The following SIN3B variants were observed in gnomAD, a reference collection of about 807,000 sequenced individuals.
SIN3B encodes paired amphipathic helix protein Sin3b.
A neutral mutation model predicts 120.2 loss-of-function variants in SIN3B; 19 were observed. That is an observed-to-expected ratio of 0.16 (90% CI 0.11 to 0.23). The LOEUF is 0.23. Ranked by LOEUF, SIN3B falls within the 10% of genes least tolerant of loss-of-function variation. The pLI, the probability that SIN3B is intolerant of heterozygous loss-of-function variation, is 1.00. For missense variants in SIN3B, 1,073 were observed against 1,573.0 expected (o/e 0.68, Z 5.38); for synonymous variants, 654 against 653.2 (o/e 1.00, Z -0.02).
intron 5 of SIN3B, among the ~76,000 whole-genome samples, chr19:16,849,789 T>C (rs547364637): frequency 2.7e-4 from 41 of 152,248 alleles, no homozygotes; most frequent in Admixed American, 2.2e-3. Flanking sequence ...TTTACACCTG[T>C]TCCAGCATAT....
In SIN3B at chr19:16,877,533, C is replaced by T. The variant is rs1479086674; in HGVS notation, c.2860-12C>T. 6 of 1,593,232 alleles carry T rather than the reference C, an allele frequency of 3.8e-6. No homozygotes were observed. The highest frequency in any genetic ancestry group is 4.3e-6 in the Non-Finnish European group (5 of 1,168,588). ...TAGGGGCATCACGGGCTGTGTCTCT[C>T]CCTGTCCCCAGCACCTGGCTCGGTA... On this transcript the variant is annotated splice_polypyrimidine_tract_variant and intron_variant, in intron 16 of 18. Coordinates refer to ENST00000248054, the MANE Select transcript of SIN3B (RefSeq NM_001297595.2).
chr19:16,847,252 G>C lies in SIN3B; in HGVS notation c.726+139G>C, dbSNP rs559147764. ...TCCCCCAGAAGCTACGCAGGTTGCAGATACCCAGGGGTTCCTCACTGTAGG... is the reference window on the plus strand; with the variant it reads ...TCCCCCAGAAGCTACGCAGGTTGCACATACCCAGGGGTTCCTCACTGTAGG... On this transcript the variant is annotated intron_variant, in intron 5 of 18. Coordinates refer to ENST00000248054, the MANE Select transcript of SIN3B (RefSeq NM_001297595.2). 3 of 886,360 alleles carry C rather than the reference G, an allele frequency of 3.4e-6. No individual in the cohort carries two copies. In the African/African-American group the frequency reaches 5.0e-5, roughly 15 times the overall value. 54.9% of individuals were successfully genotyped at this position (886,360 alleles called of 1,614,324 possible).
At chr19:16,843,173 CT>C (rs1971439851) in intron 4 of SIN3B, among the ~76,000 whole-genome samples, 1 of 152,170 alleles carries the variant, frequency 6.6e-6, no homozygotes, top group South Asian at 2.1e-4. Flanking sequence ...TCTCAGCTCA[CT>C]GCAACCTCAG....
chr19:16,840,442 G>T (rs1291904961), intron 3 of SIN3B, among the ~76,000 whole-genome samples: 2 of 152,178 alleles, frequency 1.3e-5, no homozygotes, highest in Non-Finnish European at 1.5e-5. Context: ...TGGCCTCCTG[G>T]CCTCCAGGCC....
intron 4 of SIN3B, among the ~76,000 whole-genome samples, chr19:16,842,249 C>T (rs1971427524): frequency 6.6e-6 from 1 of 151,260 alleles, no homozygotes; most frequent in African/African-American, 2.4e-5. Flanking sequence ...AACATGGGCG[C>T]ACATCACCAC....
intron 5 of SIN3B, among the ~76,000 whole-genome samples, chr19:16,849,534 GAAC>G: frequency 6.6e-6 from 1 of 152,200 alleles, no homozygotes; most frequent in East Asian, 1.9e-4. Flanking sequence ...TTATTTATGA[GAAC>G]AACAGGCCCT....
At chr19:16,839,890 A>G (rs1971395575) in intron 3 of SIN3B, among the ~76,000 whole-genome samples, 1 of 152,068 alleles carries the variant, frequency 6.6e-6, no homozygotes, top group South Asian at 2.1e-4. Flanking sequence ...GTCGCACGGC[A>G]CCTGTGATCC....
rs1334981592 is a variant in SIN3B, at chr19:16,851,397, C to G, written c.727-15C>G. On this transcript the variant is annotated splice_polypyrimidine_tract_variant and intron_variant, in intron 5 of 18. Coordinates refer to ENST00000248054, the MANE Select transcript of SIN3B (RefSeq NM_001297595.2). ...CACGTCTCCGGTGCTGACCACCTCC[C>G]ACATGTGTCCTTAGTTCACAGGAAA... The G allele has an allele frequency of 1.3e-6, 2 of 1,582,064 alleles. No individual in the cohort carries two copies. The highest frequency in any genetic ancestry group is 1.7e-6 in the Non-Finnish European group (2 of 1,163,170).
At chr19:16,863,640 G>T in intron 9 of SIN3B, 40 bp from the exon 10 acceptor site, 1 of 1,319,728 alleles carries the variant, frequency 7.6e-7, no homozygotes, top group South Asian at 1.2e-5. Context: ...TTGGCTCCTG[G>T]GGCATGCAGC....
At chr19:16,849,592 A>T (rs192769759) in intron 5 of SIN3B, among the ~76,000 whole-genome samples, 2 of 152,310 alleles carry the variant, frequency 1.3e-5, no homozygotes, top group East Asian at 3.9e-4. Flanking sequence ...TTGGGGGTCC[A>T]TCTAGCTCAG....
chr19:16,865,224 G>A, intron 10 of SIN3B, 186 bp from the exon 11 acceptor site: 2 of 576,524 alleles, frequency 3.5e-6, no homozygotes, highest in Admixed American at 6.0e-5. Context: ...AGCCCAGGAG[G>A]TTGAGGCTGC....
chr19:16,838,061 A>G (rs749368469), intron 3 of SIN3B, among the ~76,000 whole-genome samples: 1 of 152,108 alleles, frequency 6.6e-6, no homozygotes, highest in Non-Finnish European at 1.5e-5. Context: ...GAGGTGCCGG[A>G]AGAAAAAGAA....
intron 3 of SIN3B, among the ~76,000 whole-genome samples, chr19:16,835,847 G>T (rs1971341285): frequency 6.6e-6 from 1 of 152,024 alleles, no homozygotes; most frequent in South Asian, 2.1e-4. Context: ...CAGAGACAGG[G>T]TTTCACCATG....
chr19:16,847,422 C>G (rs999765147), intron 5 of SIN3B, among the ~76,000 whole-genome samples: 12 of 152,258 alleles, frequency 7.9e-5, no homozygotes, highest in African/African-American at 2.9e-4. Context: ...TGTGTCTGCC[C>G]TGCAGAGCCC....
At position 16,851,416 on chromosome 19, in the gene SIN3B, C is replaced by T. The variant is rs1202925745; in HGVS notation, c.731C>T (p.Thr244Ile). 6.3e-7 allele frequency: 1 copy of T among 1,599,610 alleles called. No individual in the cohort carries two copies. Among genetic ancestry groups the T allele is most frequent in the Non-Finnish European group, 8.5e-7 (1 of 1,173,156 alleles). ...ACCTCCCACATGTGTCCTTAGTTCA[C>T]AGGAAACGGGCCGTGCGAGATGCAC... The part of the protein sequence containing the change: ...FLPEAKRSLF[T>I]GNGPCEMHSV... Residue 244 changes from threonine to isoleucine, a missense_variant, in exon 6 of 19, where the codon ACA becomes ATA. Thr to Ile is a moderately conservative substitution (Grantham distance 89). Coordinates refer to ENST00000248054, the MANE Select transcript of SIN3B (RefSeq NM_001297595.2).
intron 2 of SIN3B, among the ~76,000 whole-genome samples, chr19:16,830,772 A>G (rs941578073): frequency 6.6e-6 from 1 of 152,206 alleles, no homozygotes; most frequent in African/African-American, 2.4e-5. Context: ...GTATTTATGC[A>G]TTGCAATTGT....
In SIN3B at chr19:16,829,586, C is replaced by T. The variant is rs540924372; in HGVS notation, c.120+46C>T. 1.4e-4 allele frequency: 181 copies of T among 1,258,818 alleles called. No homozygotes were observed. In the African/African-American group the frequency reaches 2.6e-3, roughly 18 times the overall value. The allele number at this position is 1,258,818 out of a possible 1,614,324, so 78.0% of individuals were successfully genotyped here. ...CCCTCGGGGAACCCATCTTCTGGAC[C>T]CCGCGGGCGGGCGCCCCTCACCCAG... is the stretch of plus-strand genomic sequence containing the variant. On this transcript the variant is annotated intron_variant, in intron 1 of 18. Coordinates refer to ENST00000248054, the MANE Select transcript of SIN3B (RefSeq NM_001297595.2).
chr19:16,859,948 G>A (rs946983327), intron 8 of SIN3B, among the ~76,000 whole-genome samples: 3 of 152,178 alleles, frequency 2.0e-5, no homozygotes, highest in Admixed American at 1.3e-4. Context: ...TTGTAAAATG[G>A]CCATACCTCC....
intron 12 of SIN3B, 65 bp from the exon 13 acceptor site, chr19:16,869,395 T>C (rs2144620076): frequency 6.6e-7 from 1 of 1,504,034 alleles, no homozygotes; most frequent in Non-Finnish European, 8.9e-7. Context: ...GAGTCGTGAA[T>C]GGGCACTGGG....
Sources: gnomAD v4.1 joint callset for allele counts (sites outside exome capture counted in the v4.1 genomes callset) on GRCh38, gnomAD v4.1.1 for gene constraint, MANE v1.5 for transcripts, NCBI Gene and HGNC (gene_info 2026-07-23, HGNC 2026-07-21) for gene names.